The following PTPRD variants were observed in gnomAD, a reference collection of about 807,000 sequenced individuals.
PTPRD encodes receptor-type tyrosine-protein phosphatase delta.
PTPRD carries 34 observed loss-of-function variants against 214.5 expected under a neutral mutation model. The ratio of observed to expected loss-of-function variants is 0.16; its 90% confidence interval spans 0.12 to 0.21. The LOEUF (loss-of-function observed/expected upper bound fraction) is 0.21, where lower values mean the gene tolerates loss of function less well. Ranked by LOEUF, PTPRD falls within the 10% of genes least tolerant of loss-of-function variation. The pLI is 1.00. For synonymous variants in PTPRD, 1,128 were observed against 845.7 expected, an observed-to-expected ratio of 1.33 and a Z score of -5.79; for missense variants, 2,545 against 2,398.7, an observed-to-expected ratio of 1.06 and a Z score of -1.27.
intron 12 of PTPRD, among the ~76,000 whole-genome samples, chr9:8,731,866 G>A (rs2098662764): frequency 6.6e-6 from 1 of 152,210 alleles, no homozygotes; most frequent in Admixed American, 6.5e-5. Flanking sequence ...CAAGGACAAA[G>A]CTAATCAAAA....
chr9:8,845,326 T>G (rs1416908768), intron 11 of PTPRD, among the ~76,000 whole-genome samples: 3 of 152,172 alleles, frequency 2.0e-5, no homozygotes, highest in Non-Finnish European at 4.4e-5. Flanking sequence ...CAGTGTCCTA[T>G]AAAGAAAAAA....
intron 5 of PTPRD, among the ~76,000 whole-genome samples, chr9:9,919,438 T>A (rs906222495): frequency 7.2e-5 from 11 of 152,190 alleles, no homozygotes; most frequent in Middle Eastern, 3.4e-3. Context: ...TTCAGACACC[T>A]CCCTTACCAG....
At chr9:9,488,526 C>A (rs139428668) in intron 8 of PTPRD, among the ~76,000 whole-genome samples, 145 of 152,196 alleles carry the variant, frequency 9.5e-4, no homozygotes, top group African/African-American at 3.4e-3. Context: ...GTCCTCAAAT[C>A]TGGATGAATT....
chr9:8,457,120 G>A (rs1055244697), intron 33 of PTPRD, among the ~76,000 whole-genome samples: 8 of 152,006 alleles, frequency 5.3e-5, no homozygotes, highest in East Asian at 1.9e-4. Context: ...AGATTATAGC[G>A]CATTATGATT....
At chr9:10,457,597 T>C (rs530467246) in intron 2 of PTPRD, among the ~76,000 whole-genome samples, 4 of 151,996 alleles carry the variant, frequency 2.6e-5, no homozygotes, top group African/African-American at 4.8e-5. Context: ...AGTACTGAAA[T>C]CTCTAGGTGA....
intron 5 of PTPRD, among the ~76,000 whole-genome samples, chr9:9,783,307 C>A (rs1342726657): frequency 6.6e-6 from 1 of 152,116 alleles, no homozygotes; most frequent in Non-Finnish European, 1.5e-5. Flanking sequence ...AGGAAAATTT[C>A]CAATTTCTTT....
intron 35 of PTPRD, among the ~76,000 whole-genome samples, chr9:8,426,388 C>CTAA (rs1345097656): frequency 6.6e-6 from 1 of 152,194 alleles, no homozygotes. Flanking sequence ...TCTAAGTACA[C>CTAA]ACTTAGCATT....
At chr9:10,265,577 A>G (rs2093998633) in intron 3 of PTPRD, among the ~76,000 whole-genome samples, 1 of 152,234 alleles carries the variant, frequency 6.6e-6, no homozygotes, top group African/African-American at 2.4e-5. Context: ...TCTGTGGGCC[A>G]TGTGGTCTCT....
At chr9:10,254,252 G>A (rs2093047325) in intron 3 of PTPRD, among the ~76,000 whole-genome samples, 1 of 152,180 alleles carries the variant, frequency 6.6e-6, no homozygotes, top group Non-Finnish European at 1.5e-5. Flanking sequence ...GTAAGTAACT[G>A]AATGTATAAG....
At chr9:9,686,168 A>T (rs1002606368) in intron 7 of PTPRD, among the ~76,000 whole-genome samples, 1 of 151,344 alleles carries the variant, frequency 6.6e-6, no homozygotes, top group Non-Finnish European at 1.5e-5. Context: ...TTTAATTTTC[A>T]AATGTTACGT....
At chr9:8,592,260 T>G (rs2094162105) in intron 14 of PTPRD, among the ~76,000 whole-genome samples, 2 of 152,138 alleles carry the variant, frequency 1.3e-5, no homozygotes, top group Admixed American at 6.6e-5. Context: ...AGACTCAAAG[T>G]ACACCCCCAA....
chr9:9,572,002 G>A (rs988028244), intron 8 of PTPRD, among the ~76,000 whole-genome samples: 4 of 150,884 alleles, frequency 2.7e-5, no homozygotes, highest in African/African-American at 9.7e-5. Context: ...AACAGATAAG[G>A]CAAAAATATC....
chr9:8,792,591 G>A (rs1272431628), intron 11 of PTPRD, among the ~76,000 whole-genome samples: 2 of 152,132 alleles, frequency 1.3e-5, no homozygotes, highest in Non-Finnish European at 2.9e-5. Flanking sequence ...ACTCAAATCT[G>A]CCCCAGCTGA....
chr9:9,810,016 C>A (rs1045609837), intron 5 of PTPRD, among the ~76,000 whole-genome samples: 4 of 151,134 alleles, frequency 2.6e-5, no homozygotes, highest in Admixed American at 2.0e-4. Context: ...AAAGTTATAC[C>A]AAGTGTGCCT....
chr9:9,159,361 T>C (rs1445973770), intron 10 of PTPRD, among the ~76,000 whole-genome samples: 2 of 152,172 alleles, frequency 1.3e-5, no homozygotes, highest in Admixed American at 6.6e-5. Flanking sequence ...AAACTTATCA[T>C]TGTTGCAGGA....
chr9:9,165,727 G>C (rs939540522), intron 10 of PTPRD, among the ~76,000 whole-genome samples: 1 of 152,078 alleles, frequency 6.6e-6, no homozygotes, highest in African/African-American at 2.4e-5. Context: ...TATTAACAAG[G>C]AGATAAGTTA....
At chr9:10,199,347 G>A (rs747804323) in intron 3 of PTPRD, among the ~76,000 whole-genome samples, 4 of 152,026 alleles carry the variant, frequency 2.6e-5, no homozygotes, top group Admixed American at 6.6e-5. Flanking sequence ...AATGACCTAC[G>A]TATAATGATA....
intron 3 of PTPRD, among the ~76,000 whole-genome samples, chr9:10,278,751 G>A (rs78581401): frequency 0.14 from 21,489 of 151,752 alleles, 1,743 homozygotes; most frequent in Admixed American, 0.23. Flanking sequence ...ATCTTCATGT[G>A]TGGTAAAAGG....
At chr9:9,579,981 A>T (rs971059842) in intron 7 of PTPRD, among the ~76,000 whole-genome samples, 1 of 152,060 alleles carries the variant, frequency 6.6e-6, no homozygotes, top group African/African-American at 2.4e-5. Context: ...GGGTTGTTTC[A>T]CTTAAGATGA....
Sources: allele counts gnomAD v4.1 joint callset (sites outside exome capture counted in the v4.1 genomes callset), GRCh38; gene constraint gnomAD v4.1.1; transcripts MANE v1.5; gene names NCBI Gene and HGNC (gene_info 2026-07-23, HGNC 2026-07-21).